CBLN2: variants seen among roughly 807,000 people sequenced by gnomAD.
CBLN2 encodes the protein cerebellin 2 precursor.
CBLN2 carries 7 observed loss-of-function variants against 15.0 expected under a neutral mutation model. The observed-to-expected ratio is 0.47, with a 90% CI of 0.27 to 0.88. The LOEUF (loss-of-function observed/expected upper bound fraction) is 0.88, where lower values mean the gene tolerates loss of function less well. CBLN2 is among the 40% of genes least tolerant of loss of function. CBLN2 has a pLI of 0.14. For missense variants in CBLN2, 242 were observed against 304.5 expected, an observed-to-expected ratio of 0.79 and a Z score of 1.53; for synonymous variants, 149 against 135.2, an observed-to-expected ratio of 1.10 and a Z score of -0.71.
rs146227414 is a variant in CBLN2, at chr18:72,578,294, C to G, written c.16-39522G>C. 2.1e-4 allele frequency among the ~76,000 whole-genome samples: 32 copies of G among 152,274 alleles called. No homozygotes were observed. In the East Asian group the frequency reaches 6.0e-3, roughly 28 times the overall value. Reference sequence around the variant, plus strand: ...TGATCAATTTACTGTTTAAAACTGTCTACCTGGAAATTACTCCTAGAATTG... The same window carrying G: ...TGATCAATTTACTGTTTAAAACTGTGTACCTGGAAATTACTCCTAGAATTG... On this transcript the variant is annotated intron_variant, in intron 1 of 2. Transcript: ENST00000581073.
intron 1 of CBLN2, among the ~76,000 whole-genome samples, chr18:72,571,779 CAAAG>C (rs1344418353): frequency 6.6e-6 from 1 of 152,090 alleles, no homozygotes; most frequent in Non-Finnish European, 1.5e-5. Flanking sequence ...ACTGCAAAGA[CAAAG>C]AAACATATAT....
At chr18:72,596,133 T>C (rs1434231979) in intron 1 of CBLN2, among the ~76,000 whole-genome samples, 1 of 152,140 alleles carries the variant, frequency 6.6e-6, no homozygotes, top group Non-Finnish European at 1.5e-5. Flanking sequence ...AGTCTTCCTT[T>C]TACTGAAGGT....
rs529840908 is a variant in CBLN2, at chr18:72,584,508, T to C, written c.16-45736A>G. ...TAGTAGAGCTAGGGTTTCACCGTGTTGGTCAGGATGGTCTCGATCTTTTGA... is the reference window on the plus strand; with the variant it reads ...TAGTAGAGCTAGGGTTTCACCGTGTCGGTCAGGATGGTCTCGATCTTTTGA... On this transcript the variant is annotated intron_variant, in intron 1 of 2. Coordinates refer to the CBLN2 transcript ENST00000581073. Among the ~76,000 whole-genome samples the C allele has an allele frequency of 1.6e-3, 241 of 152,112 alleles. 1 individual carries two copies. The highest frequency in any genetic ancestry group is 5.5e-3 in the African/African-American group (227 of 41,486).
intron 1 of CBLN2, among the ~76,000 whole-genome samples, chr18:72,552,120 G>A (rs1197064396): frequency 2.0e-5 from 3 of 148,562 alleles, no homozygotes; most frequent in East Asian, 4.0e-4. Flanking sequence ...TTTTGAGACA[G>A]ACTTTCGCTC....
chr18:72,548,978 C>T (rs2069175567), upstream of CBLN2, among the ~76,000 whole-genome samples: 1 of 152,012 alleles, frequency 6.6e-6, no homozygotes, highest in Non-Finnish European at 1.5e-5. Context: ...GTCTGCATTT[C>T]TGTCTTTCTT....
intron 1 of CBLN2, among the ~76,000 whole-genome samples, chr18:72,571,239 TA>T (rs2069330525): frequency 6.6e-6 from 1 of 152,124 alleles, no homozygotes; most frequent in African/African-American, 2.4e-5. Flanking sequence ...GCACAAATTT[TA>T]ACCAGAAATC....
Position 72,552,203 on chromosome 18 carries a change from C to T in CBLN2, c.16-13431G>A, listed in dbSNP as rs535085839. ...CTGGGTTCAAGCAATTCTACCTCAG[C>T]CTCCTGAGTAGCTGGGGTTACAGGC... On this transcript the variant is annotated intron_variant, in intron 1 of 2. Coordinates refer to the CBLN2 transcript ENST00000581073. Among the ~76,000 whole-genome samples, 4 of 151,958 alleles carry T rather than the reference C, an allele frequency of 2.6e-5. No homozygotes were observed. In the South Asian group the frequency reaches 6.2e-4, roughly 24 times the overall value.
chr18:72,558,995 C>T (rs2069243651), intron 1 of CBLN2, among the ~76,000 whole-genome samples: 2 of 152,172 alleles, frequency 1.3e-5, no homozygotes, highest in Admixed American at 1.3e-4. Flanking sequence ...GTCAAGGCTG[C>T]AGTAAGCTGT....
chr18:72,559,539 T>G (rs1481292145), intron 1 of CBLN2, among the ~76,000 whole-genome samples: 3 of 152,200 alleles, frequency 2.0e-5, no homozygotes, highest in Non-Finnish European at 4.4e-5. Flanking sequence ...AATAAAATAT[T>G]TTATTGATAA....
intron 1 of CBLN2, among the ~76,000 whole-genome samples, chr18:72,604,665 T>C (rs1470425010): frequency 8.5e-5 from 13 of 152,194 alleles, no homozygotes; most frequent in Non-Finnish European, 1.5e-4. Flanking sequence ...AGTGGATTAA[T>C]GGATTAACGA....
rs115200099 is a variant in CBLN2 at position 72,552,097 on chromosome 18, A to C, written c.16-13325T>G. ...ATTAAAATGTCCAACAGAGCAAGATACTTTTTTTTTTTTTTTGAGACAGAC... is the reference window on the plus strand; with the variant it reads ...ATTAAAATGTCCAACAGAGCAAGATCCTTTTTTTTTTTTTTTGAGACAGAC... On this transcript the variant is annotated intron_variant, in intron 1 of 2. Transcript: ENST00000581073. Among the ~76,000 whole-genome samples the C allele has an allele frequency of 4.6e-3, 683 of 148,224 alleles. 4 individuals carry two copies. The highest frequency in any genetic ancestry group is 0.016 in the African/African-American group (658 of 40,590).
chr18:72,636,887 A>G (rs2069816451), intron 1 of CBLN2, among the ~76,000 whole-genome samples: 1 of 152,144 alleles, frequency 6.6e-6, no homozygotes, highest in South Asian at 2.1e-4. Flanking sequence ...ACTATTGACA[A>G]CAAAATTGGC....
At chr18:72,562,993 C>G (rs2069271513) in intron 1 of CBLN2, among the ~76,000 whole-genome samples, 2 of 152,178 alleles carry the variant, frequency 1.3e-5, no homozygotes, top group Non-Finnish European at 2.9e-5. Flanking sequence ...GGAAGTAATA[C>G]CATTGTAAAA....
chr18:72,548,413 T>C (rs570473061), upstream of CBLN2, among the ~76,000 whole-genome samples: 1 of 152,306 alleles, frequency 6.6e-6, no homozygotes, highest in African/African-American at 2.4e-5. Flanking sequence ...TCTTTGAAAA[T>C]AGAACATCCA....
At chr18:72,557,152 A>G (rs1009516849) in intron 1 of CBLN2, among the ~76,000 whole-genome samples, 5 of 152,032 alleles carry the variant, frequency 3.3e-5, no homozygotes, top group African/African-American at 1.2e-4. Flanking sequence ...CAAATACAGT[A>G]TATGCTATTT....
At chr18:72,591,987 T>A (rs2069482833) in intron 1 of CBLN2, among the ~76,000 whole-genome samples, 1 of 152,206 alleles carries the variant, frequency 6.6e-6, no homozygotes, top group Non-Finnish European at 1.5e-5. Flanking sequence ...TTCAACATAC[T>A]AATTCTCTTT....
At chr18:72,581,526 T>A (rs1327284781) in intron 1 of CBLN2, among the ~76,000 whole-genome samples, 1 of 152,210 alleles carries the variant, frequency 6.6e-6, no homozygotes, top group Non-Finnish European at 1.5e-5. Context: ...CATTAGAATA[T>A]CCCACTTTGT....
intron 1 of CBLN2, among the ~76,000 whole-genome samples, chr18:72,587,678 C>T (rs972526431): frequency 1.3e-5 from 2 of 152,146 alleles, no homozygotes; most frequent in African/African-American, 4.8e-5. Flanking sequence ...TAATGTCTCA[C>T]ATTTCACAAA....
At chr18:72,569,684 G>A (rs967678375) in intron 1 of CBLN2, among the ~76,000 whole-genome samples, 1 of 152,056 alleles carries the variant, frequency 6.6e-6, no homozygotes, top group Non-Finnish European at 1.5e-5. Flanking sequence ...GAGAGAGAGG[G>A]AGCAGGTGCT....
Sources: allele counts gnomAD v4.1 joint callset (sites outside exome capture counted in the v4.1 genomes callset), GRCh38; gene constraint gnomAD v4.1.1; transcripts MANE v1.5; gene names NCBI Gene and HGNC (gene_info 2026-07-23, HGNC 2026-07-21).